Variants in REDIC1 observed in about 807,000 individuals in gnomAD.
REDIC1 encodes the protein HEI10 Interacting Protein 1.
the REDIC1 span, among the ~76,000 whole-genome samples, chr12:39,877,203 T>C: frequency 6.6e-6 from 1 of 152,138 alleles, no homozygotes; most frequent in Non-Finnish European, 1.5e-5. Flanking sequence ...GGGTAATTTA[T>C]AAATAAAAAG....
the REDIC1 span, among the ~76,000 whole-genome samples, chr12:39,658,036 A>G: frequency 9.7e-4 from 147 of 151,766 alleles, 3 homozygotes; most frequent in Non-Finnish European, 2.1e-4. Context: ...TTTTTGCTGT[A>G]TCTTACAAAT....
the REDIC1 span, among the ~76,000 whole-genome samples, chr12:39,726,458 A>C: frequency 6.6e-6 from 1 of 151,940 alleles, no homozygotes; most frequent in Non-Finnish European, 1.5e-5. Context: ...TGATGGTTTG[A>C]AGCTTCATCC....
At chr12:39,646,815 T>C in the REDIC1 span, 1 of 1,484,886 alleles carries the variant, frequency 6.7e-7, no homozygotes, top group Admixed American at 1.9e-5. Context: ...TTTATATTTT[T>C]AACCTAAATT....
the REDIC1 span, among the ~76,000 whole-genome samples, chr12:39,877,289 T>A: frequency 2.6e-5 from 4 of 152,060 alleles, no homozygotes; most frequent in Non-Finnish European, 5.9e-5. Flanking sequence ...AGAGCAAAGG[T>A]ATGTCTTACA....
the REDIC1 span, among the ~76,000 whole-genome samples, chr12:39,829,148 A>T: frequency 5.4e-4 from 82 of 152,150 alleles, no homozygotes; most frequent in African/African-American, 1.9e-3. Context: ...TAACATTTAC[A>T]CATTTTATAT....
At chr12:39,822,513 C>T in the REDIC1 span, among the ~76,000 whole-genome samples, 3 of 152,104 alleles carry the variant, frequency 2.0e-5, no homozygotes, top group South Asian at 4.1e-4. Context: ...ACTTTCTCAG[C>T]CCCCTTTTTA....
At chr12:39,877,301 G>A in the REDIC1 span, among the ~76,000 whole-genome samples, 2,670 of 152,200 alleles carry the variant, frequency 0.018, 80 homozygotes, top group African/African-American at 0.06. Context: ...TGTCTTACAC[G>A]GTGGCAGGCA....
At chr12:39,695,537 A>G in the REDIC1 span, among the ~76,000 whole-genome samples, 2 of 152,180 alleles carry the variant, frequency 1.3e-5, no homozygotes, top group Non-Finnish European at 2.9e-5. Flanking sequence ...AAGGGTGGGA[A>G]GGACTGTGTC....
chr12:39,896,122 A>G, the REDIC1 span, among the ~76,000 whole-genome samples: 1 of 149,248 alleles, frequency 6.7e-6, no homozygotes, highest in Non-Finnish European at 1.5e-5. Flanking sequence ...GAATGCATAC[A>G]TATATGTATA....
At chr12:39,801,484 T>C in the REDIC1 span, among the ~76,000 whole-genome samples, 1 of 152,112 alleles carries the variant, frequency 6.6e-6, no homozygotes, top group Non-Finnish European at 1.5e-5. Flanking sequence ...CCTCATGACA[T>C]AGTCTAATTT....
At chr12:39,704,471 G>A in the REDIC1 span, among the ~76,000 whole-genome samples, 1 of 152,198 alleles carries the variant, frequency 6.6e-6, no homozygotes, top group South Asian at 2.1e-4. Context: ...TACACTGTTG[G>A]TGGGACTGTA....
At chr12:39,739,700 A>G in the REDIC1 span, among the ~76,000 whole-genome samples, 1 of 152,198 alleles carries the variant, frequency 6.6e-6, no homozygotes, top group East Asian at 1.9e-4. Context: ...CAAATGCAGT[A>G]CTGTAGATTT....
the REDIC1 span, among the ~76,000 whole-genome samples, chr12:39,907,293 T>C: frequency 6.6e-6 from 1 of 152,148 alleles, no homozygotes; most frequent in African/African-American, 2.4e-5. Flanking sequence ...AGAGAACATA[T>C]ATGTATTATT....
chr12:39,647,162 T>G, the REDIC1 span, among the ~76,000 whole-genome samples: 2 of 152,098 alleles, frequency 1.3e-5, no homozygotes, highest in Non-Finnish European at 2.9e-5. Context: ...GACAGTTCAC[T>G]TAGGGATTCT....
the REDIC1 span, among the ~76,000 whole-genome samples, chr12:39,684,504 T>C: frequency 6.6e-5 from 10 of 152,190 alleles, no homozygotes; most frequent in African/African-American, 2.4e-4. Flanking sequence ...TTACAAAACA[T>C]TTCATAAAAT....
chr12:39,711,243 GATGTGTATATATATATGTGAT>G, the REDIC1 span, among the ~76,000 whole-genome samples: 1 of 149,142 alleles, frequency 6.7e-6, no homozygotes, highest in Non-Finnish European at 1.5e-5. Context: ...ATATATATGT[GATGTGTATATATATATGTGAT>G]ATGTGTATAT....
At chr12:39,650,156 A>T in the REDIC1 span, 1 of 1,288,526 alleles carries the variant, frequency 7.8e-7, no homozygotes. The surrounding 1 kb of genome is among the most constrained non-coding windows in gnomAD (Gnocchi z 4.3). Context: ...TAGTTCATTT[A>T]CATGACATTT....
chr12:39,670,576 T>C, the REDIC1 span, among the ~76,000 whole-genome samples: 1 of 152,214 alleles, frequency 6.6e-6, no homozygotes, highest in East Asian at 1.9e-4. Context: ...CCTTTAGTTA[T>C]CTGGATATCT....
the REDIC1 span, among the ~76,000 whole-genome samples, chr12:39,801,960 C>A: frequency 1.3e-5 from 2 of 152,192 alleles, no homozygotes; most frequent in African/African-American, 4.8e-5. Context: ...CTCATTCCCA[C>A]AGAGCTTAGA....
Sources: gnomAD v4.1 joint callset for allele counts (sites outside exome capture counted in the v4.1 genomes callset) on GRCh38, gnomAD v4.1.1 for gene constraint, Gnocchi (gnomAD v3.1) non-coding constraint, MANE v1.5 for transcripts, NCBI Gene and HGNC (gene_info 2026-07-23, HGNC 2026-07-21) for gene names.